Variants in SYN3 observed in about 807,000 individuals in gnomAD.
SYN3 encodes the protein synapsin-3.
Under a neutral mutation model 65.8 loss-of-function variants are expected in SYN3, and 35 were observed. The observed-to-expected ratio is 0.53, with a 90% CI of 0.41 to 0.70. SYN3 has a LOEUF of 0.70. Ranked by LOEUF, SYN3 falls within the 30% of genes least tolerant of loss-of-function variation. SYN3 has a pLI of 0.00. For synonymous variants in SYN3, 270 were observed against 292.9 expected (o/e 0.92, Z 0.80); for missense variants, 680 against 749.0 (o/e 0.91, Z 1.08).
intron 7 of SYN3, among the ~76,000 whole-genome samples, chr22:32,556,706 C>T (rs2058501535): frequency 6.7e-6 from 1 of 150,248 alleles, no homozygotes; most frequent in African/African-American, 2.5e-5. Context: ...TCATGTAAAA[C>T]ACAGGTCTGA....
chr22:32,864,124 C>T (rs2048622823), intron 6 of SYN3, among the ~76,000 whole-genome samples: 1 of 152,210 alleles, frequency 6.6e-6, no homozygotes, highest in South Asian at 2.1e-4. Context: ...CAAACAGCCA[C>T]AGTAAGTCCC....
In SYN3 at chr22:32,508,283, C is replaced by G. The variant is rs974204333; in HGVS notation, c.*5409G>C. On this transcript the variant is annotated 3_prime_UTR_variant, in exon 14 of 14. Transcript: ENST00000358763. ...TTCCTTCTTCTGGCTCAGAAGCTCC[C>G]GCACTGAGCACCTTGTGACCCCCGC... is the stretch of plus-strand genomic sequence containing the variant. Among the ~76,000 whole-genome samples the G allele has an allele frequency of 6.6e-6, 1 of 152,132 alleles. No individual in the cohort carries two copies. Among genetic ancestry groups the G allele is most frequent in the Admixed American group, 6.5e-5 (1 of 15,274 alleles).
intron 6 of SYN3, among the ~76,000 whole-genome samples, chr22:32,658,645 A>T (rs1242048754): frequency 1.3e-5 from 2 of 152,142 alleles, no homozygotes; most frequent in African/African-American, 4.8e-5. Flanking sequence ...TTACACCCCC[A>T]TTTGATGAGT....
chr22:32,877,569 T>G (rs548863404), intron 4 of SYN3, among the ~76,000 whole-genome samples: 1 of 152,286 alleles, frequency 6.6e-6, no homozygotes, highest in Non-Finnish European at 1.5e-5. Flanking sequence ...CCATGCCCAG[T>G]TGTGACAACA....
At chr22:32,649,806 C>A (rs1044841764) in intron 6 of SYN3, among the ~76,000 whole-genome samples, 2 of 152,128 alleles carry the variant, frequency 1.3e-5, no homozygotes, top group Non-Finnish European at 2.9e-5. Flanking sequence ...AGGGACAGGG[C>A]GGTAACATTA....
At chr22:32,822,250 C>T (rs557592084) in intron 6 of SYN3, among the ~76,000 whole-genome samples, 2 of 152,200 alleles carry the variant, frequency 1.3e-5, no homozygotes, top group Admixed American at 1.3e-4. Context: ...CAAAGTCTTC[C>T]TCGCTGTCTC....
intron 2 of SYN3, among the ~76,000 whole-genome samples, chr22:32,990,020 T>C (rs1287588145): frequency 1.3e-5 from 2 of 152,062 alleles, no homozygotes; most frequent in Non-Finnish European, 2.9e-5. Flanking sequence ...GAGCATCTAC[T>C]AAGGGCCCAA....
chr22:32,679,335 G>GC (rs130755), intron 6 of SYN3, among the ~76,000 whole-genome samples: 152,209 of 152,210 alleles, frequency 1, 76,104 homozygotes, highest in Middle Eastern at 1. Context: ...ACAGGCATGA[G>GC]CACCGCGCCT....
intron 4 of SYN3, among the ~76,000 whole-genome samples, chr22:32,891,291 C>T (rs3885579): frequency 1.3e-5 from 2 of 152,168 alleles, no homozygotes; most frequent in Non-Finnish European, 2.9e-5. Context: ...ATGACATTCT[C>T]GAAACCTAAA....
At chr22:32,538,660 C>G (rs190958200) in intron 8 of SYN3, among the ~76,000 whole-genome samples, 33 of 152,290 alleles carry the variant, frequency 2.2e-4, no homozygotes, top group Admixed American at 3.3e-4. Flanking sequence ...ATGGCCTCTG[C>G]AGGTCTTCTT....
In SYN3 at chr22:32,710,645, A is replaced by AAAAAAAAAAAAAAAAAAAAAAAG. The variant is rs1555931894; in HGVS notation, c.712-113910_712-113909insCTTTTTTTTTTTTTTTTTTTTTT. Among the ~76,000 whole-genome samples, 225 of 126,828 alleles carry AAAAAAAAAAAAAAAAAAAAAAAG rather than the reference A, an allele frequency of 1.8e-3. 5 individuals are homozygous for AAAAAAAAAAAAAAAAAAAAAAAG. The highest frequency in any genetic ancestry group is 2.4e-3 in the Non-Finnish European group (156 of 64,554). The allele number at this position is 126,828 out of a possible 152,430, so 83.2% of individuals were successfully genotyped here. ...GAGACTCTGTCTCAAAAAAAAAAAA[A>AAAAAAAAAAAAAAAAAAAAAAAG]AAAGAAAGAAAGAAAAAGAAAGAAA... On this transcript the variant is annotated intron_variant, in intron 6 of 13. Coordinates refer to ENST00000358763, the MANE Select transcript of SYN3 (RefSeq NM_003490.4).
intron 6 of SYN3, among the ~76,000 whole-genome samples, chr22:32,711,674 C>T (rs1261259553): frequency 6.6e-6 from 1 of 152,190 alleles, no homozygotes; most frequent in Non-Finnish European, 1.5e-5. Context: ...TGGAAGAAAT[C>T]TCAATTCCTT....
intron 6 of SYN3, among the ~76,000 whole-genome samples, chr22:32,791,172 C>T (rs1221697278): frequency 1.3e-5 from 2 of 152,200 alleles, no homozygotes; most frequent in East Asian, 1.9e-4. Flanking sequence ...CATACCTTTA[C>T]ACTTGTATAT....
intron 6 of SYN3, among the ~76,000 whole-genome samples, chr22:32,752,315 A>G (rs778178473): frequency 4.6e-4 from 70 of 152,140 alleles, no homozygotes; most frequent in Non-Finnish European, 9.6e-4. Context: ...TCACTGACTC[A>G]GTTTAGAACA....
intron 6 of SYN3, among the ~76,000 whole-genome samples, chr22:32,782,817 C>G (rs1232596564): frequency 1.3e-5 from 2 of 152,172 alleles, no homozygotes; most frequent in Non-Finnish European, 2.9e-5. Context: ...GTGCCCAGCC[C>G]AGGCCTTGTA....
At chr22:32,795,446 C>G (rs1045617184) in intron 6 of SYN3, among the ~76,000 whole-genome samples, 1 of 152,052 alleles carries the variant, frequency 6.6e-6, no homozygotes, top group Non-Finnish European at 1.5e-5. Flanking sequence ...CCGGAGGGGA[C>G]TGAGGGGAAA....
At chr22:32,939,894 G>A (rs2050887265) in intron 3 of SYN3, among the ~76,000 whole-genome samples, 1 of 152,194 alleles carries the variant, frequency 6.6e-6, no homozygotes, top group Non-Finnish European at 1.5e-5. Context: ...TGCTGGGTCA[G>A]AGGATAGGCA....
At chr22:32,967,183 C>A (rs1228928739) in intron 3 of SYN3, among the ~76,000 whole-genome samples, 1 of 152,156 alleles carries the variant, frequency 6.6e-6, no homozygotes. Context: ...CCTTCAGAGC[C>A]CAGGCTGTAC....
intron 6 of SYN3, among the ~76,000 whole-genome samples, chr22:32,727,655 G>A (rs927782901): frequency 2.0e-5 from 3 of 152,070 alleles, no homozygotes; most frequent in African/African-American, 7.2e-5. Flanking sequence ...TTTGTTTTTT[G>A]ACTTTTCAGT....
Sources: gnomAD v4.1 joint callset for allele counts (sites outside exome capture counted in the v4.1 genomes callset) on GRCh38, gnomAD v4.1.1 for gene constraint, MANE v1.5 for transcripts, NCBI Gene and HGNC (gene_info 2026-07-23, HGNC 2026-07-21) for gene names.